The following EPRS1 variants were observed in gnomAD, a reference collection of about 807,000 sequenced individuals.
The protein encoded by EPRS1 is glutamyl-prolyl-tRNA synthetase 1.
A neutral mutation model predicts 188.3 loss-of-function variants in EPRS1; 107 were observed. That is an observed-to-expected ratio of 0.57 (90% CI 0.49 to 0.67). The LOEUF (loss-of-function observed/expected upper bound fraction) is 0.67, where lower values mean the gene tolerates loss of function less well. Among genes scored for constraint, EPRS1 ranks in the 30% least tolerant of loss-of-function variants. The probability of loss-of-function intolerance (pLI) is 0.00; values close to 1 mark genes in which losing one functional copy is unlikely to be tolerated. For missense variants in EPRS1, 1,577 were observed against 1,802.2 expected (o/e 0.88, Z 2.26); for synonymous variants, 596 against 593.1 (o/e 1.00, Z -0.07).
At chr1:220,044,899 T>C (rs1375513350) in intron 1 of EPRS1, among the ~76,000 whole-genome samples, 1 of 152,144 alleles carries the variant, frequency 6.6e-6, no homozygotes, top group East Asian at 1.9e-4. Context: ...CAAATGTCTT[T>C]GCTCTCAATC....
Position 220,030,378 on chromosome 1 carries a change from T to C in EPRS1, c.623+8A>G, listed in dbSNP as rs963167569. The C allele has an allele frequency of 1.3e-6, 2 of 1,590,830 alleles. No homozygotes were observed. The highest frequency in any genetic ancestry group is 2.7e-5 in the African/African-American group (2 of 74,498). On this transcript the variant is annotated splice_region_variant and intron_variant, in intron 6 of 31. Coordinates refer to ENST00000366923, the MANE Select transcript of EPRS1 (RefSeq NM_004446.3). ...ATTCAATTATAAATGTGAGTTACAT[T>C]TTCTTACCCACTGGCCTCTGGAGGA...
intron 12 of EPRS1, among the ~76,000 whole-genome samples, chr1:220,015,660 T>C (rs1661688319): frequency 6.6e-6 from 1 of 152,140 alleles, no homozygotes; most frequent in South Asian, 2.1e-4. Context: ...CCTATCATCA[T>C]GAAATTTCAG....
At chr1:220,028,749 C>G (rs546468059) in intron 6 of EPRS1, among the ~76,000 whole-genome samples, 2 of 152,076 alleles carry the variant, frequency 1.3e-5, no homozygotes, top group East Asian at 3.9e-4. Context: ...ATAATAGGTG[C>G]TATGTATATG....
At chr1:219,995,180 C>G (rs1439529736) in intron 18 of EPRS1, among the ~76,000 whole-genome samples, 6 of 152,132 alleles carry the variant, frequency 3.9e-5, no homozygotes, top group Admixed American at 3.3e-4. Context: ...TGCCCAATTA[C>G]CAAAGAAATT....
chr1:220,034,770 C>A, intron 3 of EPRS1, 144 bp downstream of exon 3: 2 of 603,410 alleles, frequency 3.3e-6, no homozygotes, highest in African/African-American at 2.0e-5. Context: ...ACAAGATGAG[C>A]ATTCTGTACC....
At chr1:219,974,797 A>C (rs1243526841) in intron 28 of EPRS1, among the ~76,000 whole-genome samples, 3 of 152,218 alleles carry the variant, frequency 2.0e-5, no homozygotes, top group Admixed American at 6.5e-5. Context: ...ATACAGTGCT[A>C]AGTGCAATGA....
At chr1:219,983,825 G>A (rs752540546) in intron 21 of EPRS1, among the ~76,000 whole-genome samples, 4 of 151,078 alleles carry the variant, frequency 2.6e-5, no homozygotes, top group Non-Finnish European at 5.9e-5. Flanking sequence ...CCCAGGAGGC[G>A]GAGGTTGCAG....
intron 23 of EPRS1, 190 bp downstream of exon 23, chr1:219,982,582 C>T: frequency 2.3e-6 from 1 of 429,178 alleles, no homozygotes. Flanking sequence ...TGATAAGGAG[C>T]TCTACAATGA....
intron 11 of EPRS1, among the ~76,000 whole-genome samples, chr1:220,018,762 T>C (rs1229632952): frequency 1.3e-5 from 2 of 151,182 alleles, no homozygotes; most frequent in East Asian, 1.9e-4. Flanking sequence ...CAGCTGCCTT[T>C]CTCCAAATCT....
chr1:219,984,349 G>T, intron 20 of EPRS1, 92 bp from the exon 21 acceptor site: 1 of 852,952 alleles, frequency 1.2e-6, no homozygotes, highest in Non-Finnish European at 2.0e-6. Flanking sequence ...AAATAGATTA[G>T]TCTTTCTTCA....
intron 2 of EPRS1, among the ~76,000 whole-genome samples, chr1:220,037,420 G>A (rs1322818147): frequency 2.0e-5 from 3 of 150,014 alleles, no homozygotes; most frequent in South Asian, 2.1e-4. Flanking sequence ...CAGGAGAATC[G>A]CTTAAACCTG....
chr1:219,989,513 C>T (rs1661078824), intron 18 of EPRS1, among the ~76,000 whole-genome samples: 1 of 151,568 alleles, frequency 6.6e-6, no homozygotes, highest in East Asian at 1.9e-4. Flanking sequence ...CCACTGGGAA[C>T]TTGGAGGTAT....
intron 16 of EPRS1, among the ~76,000 whole-genome samples, chr1:220,004,755 C>T (rs1305763824): frequency 6.6e-6 from 1 of 151,584 alleles, no homozygotes; most frequent in Admixed American, 6.6e-5. Context: ...AAAAAAATAG[C>T]AGAGACAAAC....
In EPRS1 at chr1:220,013,792, T is replaced by G. The variant is rs112456725; in HGVS notation, c.1495-2736A>C. ...TGGGTTTCAGTGTATGAAGACATCATGAAGGCCAGCAATAGAAACAAAAAG... is the reference window on the plus strand; with the variant it reads ...TGGGTTTCAGTGTATGAAGACATCAGGAAGGCCAGCAATAGAAACAAAAAG... On this transcript the variant is annotated intron_variant, in intron 12 of 31. Transcript: ENST00000366923. 5.3e-3 allele frequency among the ~76,000 whole-genome samples: 814 copies of G among 152,282 alleles called. 7 individuals are homozygous for G. The highest frequency in any genetic ancestry group is 0.019 in the African/African-American group (790 of 41,568).
intron 28 of EPRS1, among the ~76,000 whole-genome samples, chr1:219,974,436 G>C (rs1477285472): frequency 3.3e-5 from 5 of 152,108 alleles, no homozygotes; most frequent in African/African-American, 7.2e-5. Flanking sequence ...AATCCTTAAG[G>C]CTTAGGGAAA....
In EPRS1 at chr1:220,007,472, C is replaced by T. The variant is rs78586233; in HGVS notation, c.1606-134G>A. On this transcript the variant is annotated intron_variant, in intron 13 of 31. Transcript: ENST00000366923. ...TTACTAAACTGTTAGCAGTTCATTGCTGTATTAGGAAGAAAATGCTTTACT... is the reference window on the plus strand; with the variant it reads ...TTACTAAACTGTTAGCAGTTCATTGTTGTATTAGGAAGAAAATGCTTTACT... The T allele has an allele frequency of 5.1e-3, 3,707 of 729,252 alleles. 105 individuals carry two copies. The African/African-American group carries it at 0.061, about 12-fold the overall frequency. The allele number at this position is 729,252 out of a possible 1,614,324, so 45.2% of individuals were successfully genotyped here. A position where few individuals can be genotyped will look rare whatever the true frequency, so the allele number is the denominator to read the frequency against.
chr1:219,984,152 A>C, intron 21 of EPRS1, 54 bp downstream of exon 21: 1 of 1,266,344 alleles, frequency 7.9e-7, no homozygotes, highest in Non-Finnish European at 1.2e-6. Context: ...TCTGAACATA[A>C]AAAGCAGCCA....
In EPRS1 at chr1:220,012,460, T is replaced by C. The variant is rs74978974; in HGVS notation, c.1495-1404A>G. ...CAGGATGTTTCCTATACTTGACTAA[T>C]TTTAATCACCACTTGGGGCAGTTGT... is the stretch of plus-strand genomic sequence containing the variant. On this transcript the variant is annotated intron_variant, in intron 12 of 31. Coordinates refer to ENST00000366923, the MANE Select transcript of EPRS1 (RefSeq NM_004446.3). 2.2e-4 allele frequency among the ~76,000 whole-genome samples: 33 copies of C among 152,342 alleles called. No homozygotes were observed. The East Asian group carries it at 6.2e-3, about 28-fold the overall frequency.
At chr1:219,981,523 C>A in intron 23 of EPRS1, 66 bp from the exon 24 acceptor site, 4 of 866,154 alleles carry the variant, frequency 4.6e-6, no homozygotes, top group South Asian at 1.9e-5. Context: ...GATGTAACAG[C>A]TAAACCAGCA....
Sources: gnomAD v4.1 joint callset for allele counts (sites outside exome capture counted in the v4.1 genomes callset) on GRCh38, gnomAD v4.1.1 for gene constraint, MANE v1.5 for transcripts, NCBI Gene and HGNC (gene_info 2026-07-23, HGNC 2026-07-21) for gene names.